RAPGEF2: variants seen among roughly 807,000 people sequenced by gnomAD.
The protein encoded by RAPGEF2 is PDZ domain containing guanine nucleotide exchange factor (GEF) 1.
A neutral mutation model predicts 186.7 loss-of-function variants in RAPGEF2; 54 were observed. The observed-to-expected ratio is 0.29, with a 90% CI of 0.23 to 0.36. The LOEUF (loss-of-function observed/expected upper bound fraction) is 0.36. RAPGEF2 is among the 10% of genes least tolerant of loss of function. The pLI, the probability that RAPGEF2 is intolerant of heterozygous loss-of-function variation, is 1.00. For synonymous variants in RAPGEF2, 712 were observed against 705.9 expected, an observed-to-expected ratio of 1.01 and a Z score of -0.14; for missense variants, 1,532 against 2,045.0, an observed-to-expected ratio of 0.75 and a Z score of 4.84.
chr4:159,210,551 C>T lies in RAPGEF2; in HGVS notation c.249C>T (p.Phe83=), dbSNP rs775137441. 1 of 1,534,140 alleles carries T rather than the reference C, an allele frequency of 6.5e-7. No homozygotes were observed. The highest frequency in any genetic ancestry group is 1.2e-5 in the South Asian group (1 of 84,008). Residue 83 remains phenylalanine, a synonymous_variant, in exon 4 of 30, where the codon TTC becomes TTT. Transcript: ENST00000691494. ...ATATCCTTCTTTCTGGTTCCGTGTT[C>T]ATCAAGGAATCCATGTTTCTTCCAA... is the stretch of plus-strand genomic sequence containing the variant. The part of the protein sequence containing the change: ...CWYILLSGSV[F]IKESMFLPRS...
At chr4:159,305,269 A>T (rs1763144491) in intron 8 of RAPGEF2, among the ~76,000 whole-genome samples, 1 of 152,090 alleles carries the variant, frequency 6.6e-6, no homozygotes, top group Admixed American at 6.6e-5. Context: ...GTTTTTCATC[A>T]AGAGATTGTA....
intron 1 of RAPGEF2, among the ~76,000 whole-genome samples, chr4:159,118,836 C>T (rs35426922): frequency 1.3e-5 from 2 of 152,236 alleles, no homozygotes; most frequent in South Asian, 2.1e-4. Context: ...CCACCCACCT[C>T]GGCCTCCCAA....
intron 1 of RAPGEF2, among the ~76,000 whole-genome samples, chr4:159,104,549 A>AGTGTGT (rs760626474): frequency 4.5e-5 from 6 of 132,150 alleles, no homozygotes; most frequent in Non-Finnish European, 9.5e-5. Flanking sequence ...AGAGAGAGAG[A>AGTGTGT]GAGAGTGTGT....
intron 3 of RAPGEF2, among the ~76,000 whole-genome samples, chr4:159,198,413 CCTCTCTCT>C (rs70962662): frequency 9.0e-6 from 1 of 111,278 alleles, no homozygotes; most frequent in African/African-American, 3.2e-5. Flanking sequence ...TTCCTCTCTT[CCTCTCTCT>C]CTCTCTCTCT....
chr4:159,210,424 C>T, intron 3 of RAPGEF2, 76 bp from the exon 4 acceptor site: 2 of 965,018 alleles, frequency 2.1e-6, no homozygotes, highest in South Asian at 1.5e-5. Flanking sequence ...GGGTGCTGCA[C>T]TTTGTGCTAT....
At chr4:159,104,360 A>G (rs1737543628) in intron 1 of RAPGEF2, 129 bp downstream of exon 1, 2 of 425,078 alleles carry the variant, frequency 4.7e-6, no homozygotes, top group Admixed American at 3.6e-5. Flanking sequence ...AGGACCCCCA[A>G]CTTCCAAAGG....
At chr4:159,179,892 A>G (rs374082344) in intron 1 of RAPGEF2, among the ~76,000 whole-genome samples, 1 of 152,180 alleles carries the variant, frequency 6.6e-6, no homozygotes, top group East Asian at 1.9e-4. Context: ...GGACTATGGA[A>G]GTACAAATGC....
intron 1 of RAPGEF2, among the ~76,000 whole-genome samples, chr4:159,168,229 G>C (rs1447157519): frequency 6.6e-6 from 1 of 152,036 alleles, no homozygotes; most frequent in African/African-American, 2.4e-5. Context: ...CCCTTTACCA[G>C]GCTTAAGTCT....
At chr4:159,149,533 AG>A (rs2111186979) in intron 1 of RAPGEF2, among the ~76,000 whole-genome samples, 1 of 152,292 alleles carries the variant, frequency 6.6e-6, no homozygotes, top group African/African-American at 2.4e-5. Context: ...CTGGGATTAC[AG>A]GTGTGAGCCA....
At chr4:159,191,464 G>C (rs952029083) in intron 2 of RAPGEF2, among the ~76,000 whole-genome samples, 17 of 152,184 alleles carry the variant, frequency 1.1e-4, no homozygotes, top group African/African-American at 3.9e-4. Context: ...ACTCAGGCCG[G>C]GCGCGATGGC....
intron 7 of RAPGEF2, among the ~76,000 whole-genome samples, chr4:159,262,675 G>A (rs1385253630): frequency 1.3e-5 from 2 of 152,190 alleles, no homozygotes; most frequent in Non-Finnish European, 1.5e-5. Flanking sequence ...TCCATCTCAT[G>A]TCATCTTTTA....
intron 7 of RAPGEF2, among the ~76,000 whole-genome samples, chr4:159,273,811 G>A (rs1758495463): frequency 1.3e-5 from 2 of 151,004 alleles, no homozygotes; most frequent in South Asian, 4.2e-4. Flanking sequence ...TCTTTTTTTC[G>A]AGATGGAGTC....
intron 15 of RAPGEF2, 22 bp downstream of exon 15, chr4:159,331,855 T>TTAAA: frequency 6.2e-7 from 1 of 1,607,694 alleles, no homozygotes; most frequent in African/African-American, 1.3e-5. Context: ...CTAAACTCAT[T>TTAAA]TAAGGGTGAA....
chr4:159,175,185 A>G (rs1746332276), intron 1 of RAPGEF2, among the ~76,000 whole-genome samples: 2 of 152,246 alleles, frequency 1.3e-5, no homozygotes, highest in Admixed American at 6.5e-5. Context: ...GAATGAAATC[A>G]CAATCCTAGG....
At chr4:159,236,301 C>T (rs900388440) in intron 4 of RAPGEF2, among the ~76,000 whole-genome samples, 2 of 152,232 alleles carry the variant, frequency 1.3e-5, no homozygotes, top group African/African-American at 4.8e-5. Flanking sequence ...GAAATGTAAA[C>T]TTTTCATCCC....
At chr4:159,151,696 T>C (rs1036262652) in intron 1 of RAPGEF2, among the ~76,000 whole-genome samples, 5 of 152,048 alleles carry the variant, frequency 3.3e-5, no homozygotes, top group Admixed American at 1.3e-4. Flanking sequence ...GGGGAAGGTG[T>C]AGTGAGAGGT....
chr4:159,211,031 A>G (rs1750469655), intron 4 of RAPGEF2, among the ~76,000 whole-genome samples: 1 of 152,166 alleles, frequency 6.6e-6, no homozygotes. Flanking sequence ...TCAAGACCAT[A>G]TGGCCTTTCA....
chr4:159,338,730 A>T (rs752869989), intron 18 of RAPGEF2, among the ~76,000 whole-genome samples: 1 of 152,236 alleles, frequency 6.6e-6, no homozygotes, highest in Non-Finnish European at 1.5e-5. Context: ...AACACATCCC[A>T]TGCCATGATT....
chr4:159,109,789 G>T (rs1738291604), intron 1 of RAPGEF2, among the ~76,000 whole-genome samples: 1 of 152,202 alleles, frequency 6.6e-6, no homozygotes, highest in Non-Finnish European at 1.5e-5. Context: ...ATTCCAGATT[G>T]ACCTACTGTC....
Sources: allele counts gnomAD v4.1 joint callset (sites outside exome capture counted in the v4.1 genomes callset), GRCh38; gene constraint gnomAD v4.1.1; transcripts MANE v1.5; gene names NCBI Gene and HGNC (gene_info 2026-07-23, HGNC 2026-07-21).